The following HMGB1 variants were observed in gnomAD, a reference collection of about 807,000 sequenced individuals.
The protein encoded by HMGB1 is high mobility group box 1, also known as high mobility group protein B1.
For missense variants in HMGB1, 79 were observed against 253.5 expected, an observed-to-expected ratio of 0.31 and a Z score of 4.67; for synonymous variants, 81 against 84.0, an observed-to-expected ratio of 0.96 and a Z score of 0.19.
chr13:30,579,606 T>A (rs955335721), intron 1 of HMGB1, among the ~76,000 whole-genome samples: 1 of 152,168 alleles, frequency 6.6e-6, no homozygotes, highest in African/African-American at 2.4e-5. Context: ...ACATTTAACC[T>A]TACCCACAAG....
At chr13:30,495,059 T>C (rs1020197427) in intron 1 of HMGB1, among the ~76,000 whole-genome samples, 6 of 152,250 alleles carry the variant, frequency 3.9e-5, no homozygotes, top group Admixed American at 3.3e-4. Flanking sequence ...CTACATTTTG[T>C]TTCTCCATTT....
rs1868649489 is a variant in HMGB1 at position 30,538,632 on chromosome 13, TTTCTTTCTTC to T, written c.-14-74948_-14-74939del. Among the ~76,000 whole-genome samples the T allele has an allele frequency of 3.6e-5, 3 of 83,820 alleles. No homozygotes were observed. In the African/African-American group the frequency reaches 3.6e-4, roughly 10 times the overall value. 55.0% of individuals were successfully genotyped at this position (83,820 alleles called of 152,430 possible). A position where few individuals can be genotyped will look rare whatever the true frequency, so the allele number is the denominator to read the frequency against. On this transcript the variant is annotated intron_variant, in intron 1 of 4. Coordinates refer to the HMGB1 transcript ENST00000405805. Reference sequence around the variant, plus strand: ...CTTTCTCTTTCTCTCTCTCTTTCTTTTTCTTTCTTCCTTTCTTTCTTTCTTTCTTTCCTTT... The same window carrying T: ...CTTTCTCTTTCTCTCTCTCTTTCTTTCTTTCTTTCTTTCTTTCTTTCCTTT...
intron 1 of HMGB1, among the ~76,000 whole-genome samples, chr13:30,613,775 TAAGTC>T (rs1360115898): frequency 1.3e-5 from 2 of 152,026 alleles, no homozygotes; most frequent in African/African-American, 2.4e-5. Context: ...GGAGAACACA[TAAGTC>T]AAAGTAGACA....
In HMGB1 at chr13:30,465,935, T is replaced by G; in HGVS notation, c.-154A>C. 1.0e-6 allele frequency: 1 copy of G among 986,090 alleles called. No individual in the cohort carries two copies. Among genetic ancestry groups the G allele is most frequent in the Non-Finnish European group, 1.2e-6 (1 of 830,156 alleles). The allele number at this position is 986,090 out of a possible 1,614,324, so 61.1% of individuals were successfully genotyped here. A position where few individuals can be genotyped will look rare whatever the true frequency, so the allele number is the denominator to read the frequency against. On this transcript the variant is annotated 5_prime_UTR_variant, in exon 1 of 5. An upstream start codon of the reference 5' UTR is lost. Coordinates refer to ENST00000341423, the MANE Select transcript of HMGB1 (RefSeq NM_002128.7). ...TCCTCACTCTCTCCGCTCTGTAACA[T>G]TACTCTCCAGCCAGCGCGGCTCCTA...
intron 1 of HMGB1, among the ~76,000 whole-genome samples, chr13:30,551,773 A>G (rs2137513754): frequency 6.6e-6 from 1 of 152,116 alleles, no homozygotes; most frequent in African/African-American, 2.4e-5. Context: ...TGGTGCGATC[A>G]TAGTTCATTG....
intron 1 of HMGB1, among the ~76,000 whole-genome samples, chr13:30,608,327 T>C (rs553264633): frequency 7.2e-5 from 11 of 152,246 alleles, no homozygotes; most frequent in South Asian, 2.1e-4. Flanking sequence ...AATACAATAA[T>C]ACATACTGAT....
At chr13:30,476,347 C>G (rs1351743225) in intron 1 of HMGB1, among the ~76,000 whole-genome samples, 1 of 151,458 alleles carries the variant, frequency 6.6e-6, no homozygotes, top group Non-Finnish European at 1.5e-5. Flanking sequence ...CCATGTTGGC[C>G]AGACTGGTCT....
intron 1 of HMGB1, among the ~76,000 whole-genome samples, chr13:30,480,197 T>TC (rs1887194827): frequency 6.6e-6 from 1 of 152,242 alleles, no homozygotes; most frequent in Non-Finnish European, 1.5e-5. Flanking sequence ...GTTCATAAAC[T>TC]CCTTCAAAAT....
chr13:30,543,316 AG>A (rs1321667876), intron 1 of HMGB1: 1 of 151,982 alleles, frequency 6.6e-6, no homozygotes, highest in African/African-American at 2.4e-5. Flanking sequence ...TAGTAGAGAT[AG>A]GGTTTCACCA....
chr13:30,490,021 G>A (rs1887449448), intron 1 of HMGB1, among the ~76,000 whole-genome samples: 1 of 136,128 alleles, frequency 7.3e-6, no homozygotes, highest in Admixed American at 8.2e-5. Context: ...CCACTGCGCT[G>A]GTCTCAAAAA....
intron 1 of HMGB1, among the ~76,000 whole-genome samples, chr13:30,568,932 T>G (rs1870308887): frequency 2.0e-5 from 3 of 152,108 alleles, no homozygotes; most frequent in Admixed American, 1.3e-4. Context: ...ACCCCAGCAC[T>G]TTGGGAGGCT....
chr13:30,545,699 T>G (rs1869121948), intron 1 of HMGB1, among the ~76,000 whole-genome samples: 1 of 152,110 alleles, frequency 6.6e-6, no homozygotes, highest in African/African-American at 2.4e-5. Context: ...TTTTGTTTGT[T>G]TGTGGGTTTT....
chr13:30,610,661 T>C (rs1950505001), intron 1 of HMGB1, among the ~76,000 whole-genome samples: 1 of 152,132 alleles, frequency 6.6e-6, no homozygotes, highest in African/African-American at 2.4e-5. Flanking sequence ...TTAAATATTT[T>C]GTATGAAGTA....
intron 1 of HMGB1, among the ~76,000 whole-genome samples, chr13:30,565,677 T>C (rs1409033323): frequency 6.6e-6 from 1 of 152,232 alleles, no homozygotes; most frequent in East Asian, 1.9e-4. Flanking sequence ...CAGAGGGCAC[T>C]GATGCTGCTG....
chr13:30,566,910 A>G (rs755595812), intron 1 of HMGB1, among the ~76,000 whole-genome samples: 2 of 152,254 alleles, frequency 1.3e-5, no homozygotes, highest in Non-Finnish European at 2.9e-5. Context: ...AAATGCGAAA[A>G]GGAATCATGT....
chr13:30,475,517 A>C, intron 1 of HMGB1, among the ~76,000 whole-genome samples: 1 of 144,346 alleles, frequency 6.9e-6, no homozygotes, highest in African/African-American at 2.6e-5. Flanking sequence ...CCGGTTTGAG[A>C]CCATCTCTAA....
intron 1 of HMGB1, among the ~76,000 whole-genome samples, chr13:30,549,902 A>C (rs1411567161): frequency 1.3e-5 from 2 of 151,760 alleles, no homozygotes; most frequent in Admixed American, 6.6e-5. Context: ...TTTTTAGTAG[A>C]GACGGGGTTT....
chr13:30,478,592 A>C (rs1428605503), intron 1 of HMGB1, among the ~76,000 whole-genome samples: 1 of 152,222 alleles, frequency 6.6e-6, no homozygotes, highest in African/African-American at 2.4e-5. Context: ...GTATGTATGA[A>C]TCCAGAAAAG....
intron 1 of HMGB1, among the ~76,000 whole-genome samples, chr13:30,508,238 G>A (rs1400082536): frequency 6.6e-6 from 1 of 152,142 alleles, no homozygotes. Context: ...CATGCCAGGC[G>A]GAGTGGCTCA....
Sources: allele counts gnomAD v4.1 joint callset (sites outside exome capture counted in the v4.1 genomes callset), GRCh38; gene constraint gnomAD v4.1.1; transcripts MANE v1.5; gene names NCBI Gene and HGNC (gene_info 2026-07-23, HGNC 2026-07-21).